HCRTR2: variants seen among roughly 807,000 people sequenced by gnomAD.
HCRTR2 encodes hypocretin receptor 2.
In HCRTR2, 22 loss-of-function variants were observed where a neutral mutation model predicts 49.0. That is an observed-to-expected ratio of 0.45 (90% CI 0.32 to 0.64). The LOEUF (loss-of-function observed/expected upper bound fraction) is 0.64, where lower values mean the gene tolerates loss of function less well. Ranked by LOEUF, HCRTR2 falls within the 30% of genes least tolerant of loss-of-function variation. The pLI is 0.04. For missense variants in HCRTR2, 491 were observed against 559.4 expected, an observed-to-expected ratio of 0.88 and a Z score of 1.23; for synonymous variants, 236 against 205.3, an observed-to-expected ratio of 1.15 and a Z score of -1.28.
intron 1 of HCRTR2, among the ~76,000 whole-genome samples, chr6:55,193,103 A>AT (rs1765349117): frequency 6.6e-6 from 1 of 152,218 alleles, no homozygotes; most frequent in South Asian, 2.1e-4. Context: ...GTGTTCACTC[A>AT]TTCATTCCTT....
intron 2 of HCRTR2, among the ~76,000 whole-genome samples, chr6:55,253,473 G>T (rs1297157150): frequency 6.6e-6 from 1 of 152,080 alleles, no homozygotes; most frequent in Admixed American, 6.6e-5. Flanking sequence ...ATATAACCAG[G>T]ACAGAAAAAT....
intron 1 of HCRTR2, among the ~76,000 whole-genome samples, chr6:55,180,590 A>G (rs1198378508): frequency 6.6e-6 from 1 of 152,176 alleles, no homozygotes; most frequent in Non-Finnish European, 1.5e-5. Context: ...ACTCACTGGA[A>G]AAAAAATGTT....
intron 1 of HCRTR2, among the ~76,000 whole-genome samples, chr6:55,123,849 A>C (rs1043731349): frequency 6.6e-6 from 1 of 151,912 alleles, no homozygotes; most frequent in Non-Finnish European, 1.5e-5. Flanking sequence ...CCTGGTTTAA[A>C]CTTGGGAGAG....
chr6:55,125,681 T>C (rs1217606880), intron 1 of HCRTR2, among the ~76,000 whole-genome samples: 1 of 152,200 alleles, frequency 6.6e-6, no homozygotes, highest in Non-Finnish European at 1.5e-5. Context: ...TTGGGGACGT[T>C]TTCTTGGATA....
intron 6 of HCRTR2, among the ~76,000 whole-genome samples, chr6:55,281,947 A>G (rs1767198607): frequency 6.6e-6 from 1 of 152,176 alleles, no homozygotes; most frequent in South Asian, 2.1e-4. Flanking sequence ...ATATACCAAT[A>G]TGCGTAAATA....
chr6:55,270,679 G>T (rs1766955650), intron 4 of HCRTR2, among the ~76,000 whole-genome samples: 1 of 152,096 alleles, frequency 6.6e-6, no homozygotes, highest in South Asian at 2.1e-4. Context: ...TTTGTTTAAA[G>T]ACTATTTGTA....
chr6:55,248,488 G>C, intron 1 of HCRTR2, 151 bp from the exon 2 acceptor site: 1 of 691,438 alleles, frequency 1.4e-6, no homozygotes, highest in Non-Finnish European at 2.6e-6. Context: ...CATTCACACA[G>C]ATTGACAGAT....
intron 4 of HCRTR2, among the ~76,000 whole-genome samples, chr6:55,272,994 A>G (rs558115156): frequency 8.6e-5 from 13 of 151,920 alleles, no homozygotes; most frequent in African/African-American, 2.9e-4. Context: ...GGCCATCTGT[A>G]CACTCTGAAA....
At chr6:55,199,751 G>T (rs1344099338) in intron 1 of HCRTR2, among the ~76,000 whole-genome samples, 2 of 152,004 alleles carry the variant, frequency 1.3e-5, no homozygotes, top group Admixed American at 6.6e-5. Context: ...TGGCGAAAAA[G>T]GCTTCATCAT....
At chr6:55,158,802 C>T (rs1023856305) in intron 1 of HCRTR2, among the ~76,000 whole-genome samples, 5 of 152,210 alleles carry the variant, frequency 3.3e-5, no homozygotes, top group African/African-American at 7.2e-5. Flanking sequence ...GCAGCAGCTG[C>T]GGTCAGGAGC....
intron 1 of HCRTR2, among the ~76,000 whole-genome samples, chr6:55,129,202 C>T (rs1764321252): frequency 6.6e-6 from 1 of 152,098 alleles, no homozygotes. Context: ...AAATATTTCT[C>T]TCCAGCTCAA....
intron 1 of HCRTR2, among the ~76,000 whole-genome samples, chr6:55,150,772 T>C (rs779629532): frequency 6.6e-6 from 1 of 152,050 alleles, no homozygotes; most frequent in Non-Finnish European, 1.5e-5. Context: ...GCTTTTGATA[T>C]TATAAACAAT....
chr6:55,126,220 C>A (rs1764274111), intron 1 of HCRTR2, among the ~76,000 whole-genome samples: 1 of 152,056 alleles, frequency 6.6e-6, no homozygotes, highest in African/African-American at 2.4e-5. Flanking sequence ...AATTTTCAGC[C>A]TTTTTTGCAC....
intron 1 of HCRTR2, among the ~76,000 whole-genome samples, chr6:55,248,253 C>G (rs983198458): frequency 6.6e-6 from 1 of 152,096 alleles, no homozygotes; most frequent in Non-Finnish European, 1.5e-5. Flanking sequence ...GAGGCAAACA[C>G]TACAATTCAA....
intron 1 of HCRTR2, among the ~76,000 whole-genome samples, chr6:55,112,573 G>T (rs1764063633): frequency 1.3e-5 from 2 of 148,906 alleles, no homozygotes; most frequent in Admixed American, 6.7e-5. Flanking sequence ...AAAACCTTAG[G>T]AATATACCTA....
At chr6:55,134,841 TTC>T (rs984179007) in intron 1 of HCRTR2, among the ~76,000 whole-genome samples, 1 of 152,034 alleles carries the variant, frequency 6.6e-6, no homozygotes, top group African/African-American at 2.4e-5. Context: ...TAATATTTCA[TTC>T]TCTCTCTCTT....
intron 4 of HCRTR2, among the ~76,000 whole-genome samples, chr6:55,273,919 A>G (rs1386611936): frequency 6.6e-6 from 1 of 151,894 alleles, no homozygotes; most frequent in African/African-American, 2.4e-5. Flanking sequence ...ACACTTAAAC[A>G]CTCAATGTAC....
At chr6:55,109,972 AAGCATCAGGT>A (rs1764027268) in intron 1 of HCRTR2, among the ~76,000 whole-genome samples, 2 of 152,152 alleles carry the variant, frequency 1.3e-5, no homozygotes, top group East Asian at 3.9e-4. Context: ...TGTGAGTCAA[AAGCATCAGGT>A]AACCTAGAAA....
downstream of HCRTR2, among the ~76,000 whole-genome samples, chr6:55,284,369 G>C (rs2127336985): frequency 6.6e-6 from 1 of 152,154 alleles, no homozygotes; most frequent in Non-Finnish European, 1.5e-5. Flanking sequence ...CATCATCTGG[G>C]AACTTAGTGG....
Sources: allele counts gnomAD v4.1 joint callset (sites outside exome capture counted in the v4.1 genomes callset), GRCh38; gene constraint gnomAD v4.1.1; transcripts MANE v1.5; gene names NCBI Gene and HGNC (gene_info 2026-07-23, HGNC 2026-07-21).